MACROD2: variants seen among roughly 807,000 people sequenced by gnomAD.
MACROD2 encodes ADP-ribose glycohydrolase MACROD2.
Under a neutral mutation model 70.4 loss-of-function variants are expected in MACROD2, and 36 were observed. The ratio of observed to expected loss-of-function variants is 0.51; its 90% CI spans 0.39 to 0.68. The LOEUF (loss-of-function observed/expected upper bound fraction) is 0.68. Among genes scored for constraint, MACROD2 ranks in the 30% least tolerant of loss-of-function variants. MACROD2 has a pLI of 0.00. For missense variants in MACROD2, 496 were observed against 538.4 expected (o/e 0.92, Z 0.78); for synonymous variants, 172 against 178.8 (o/e 0.96, Z 0.30).
intron 15 of MACROD2, among the ~76,000 whole-genome samples, chr20:16,040,210 T>A (rs2067290005): frequency 6.6e-6 from 1 of 151,950 alleles, no homozygotes; most frequent in Non-Finnish European, 1.5e-5. Flanking sequence ...ATTGTCAACC[T>A]CAATACACCA....
At chr20:15,499,901 A>C in intron 8 of MACROD2, 54 bp downstream of exon 8, 1 of 1,557,262 alleles carries the variant, frequency 6.4e-7, no homozygotes, top group Non-Finnish European at 8.9e-7. Context: ...TTTGATGCTC[A>C]GTTCCCCCCA....
chr20:14,786,175 T>C (rs1735470873), intron 5 of MACROD2, among the ~76,000 whole-genome samples: 1 of 148,114 alleles, frequency 6.8e-6, no homozygotes, highest in African/African-American at 2.5e-5. Context: ...GTTCTCTTGT[T>C]GATAGTGTTT....
chr20:14,302,154 T>A (rs1264832104), intron 3 of MACROD2, among the ~76,000 whole-genome samples: 1 of 152,190 alleles, frequency 6.6e-6, no homozygotes, highest in African/African-American at 2.4e-5. Context: ...GACTGAAATC[T>A]AGATATCATC....
chr20:15,120,261 AGTGTGTGT>A (rs34652299), intron 5 of MACROD2, among the ~76,000 whole-genome samples: 1 of 116,178 alleles, frequency 8.6e-6, no homozygotes, highest in Non-Finnish European at 1.6e-5. Flanking sequence ...TTTAAGGGGG[AGTGTGTGT>A]GTGTGTGTGT....
chr20:14,804,519 C>G (rs2072615514), intron 5 of MACROD2, among the ~76,000 whole-genome samples: 1 of 151,960 alleles, frequency 6.6e-6, no homozygotes, highest in South Asian at 2.1e-4. Context: ...TGTCCAACAA[C>G]ATAGGTCCAT....
intron 3 of MACROD2, among the ~76,000 whole-genome samples, chr20:14,275,404 G>A (rs1163695296): frequency 6.6e-6 from 1 of 151,852 alleles, no homozygotes; most frequent in Non-Finnish European, 1.5e-5. Context: ...TTAATAAATG[G>A]TGCTGGGAAA....
chr20:14,208,195 A>G (rs1167576185), intron 3 of MACROD2, among the ~76,000 whole-genome samples: 3 of 152,100 alleles, frequency 2.0e-5, no homozygotes, highest in Admixed American at 2.0e-4. Flanking sequence ...TAGTGATTAT[A>G]TTGTAGTTGT....
At chr20:15,805,214 G>C (rs1288272766) in intron 8 of MACROD2, among the ~76,000 whole-genome samples, 1 of 152,140 alleles carries the variant, frequency 6.6e-6, no homozygotes, top group African/African-American at 2.4e-5. Context: ...GCAGATGTTG[G>C]GATCTGAGAA....
At chr20:14,978,833 G>A (rs1382428152) in intron 5 of MACROD2, among the ~76,000 whole-genome samples, 1 of 145,860 alleles carries the variant, frequency 6.9e-6, no homozygotes, top group Non-Finnish European at 1.5e-5. Flanking sequence ...GTCCCTGTTT[G>A]CAAAGGAGGG....
intron 5 of MACROD2, among the ~76,000 whole-genome samples, chr20:15,175,651 A>G (rs1267763877): frequency 6.6e-6 from 1 of 152,194 alleles, no homozygotes; most frequent in Non-Finnish European, 1.5e-5. Flanking sequence ...GGGATGAAAT[A>G]GAAATTTCAG....
At chr20:14,392,317 C>A (rs1010674734) in intron 3 of MACROD2, among the ~76,000 whole-genome samples, 2 of 151,624 alleles carry the variant, frequency 1.3e-5, no homozygotes, top group African/African-American at 4.8e-5. Context: ...TCCTTCGTTC[C>A]TTTTATTCAC....
chr20:14,838,472 T>C (rs1410862623), intron 5 of MACROD2, among the ~76,000 whole-genome samples: 1 of 152,124 alleles, frequency 6.6e-6, no homozygotes, highest in Non-Finnish European at 1.5e-5. Context: ...TCATTATTAA[T>C]GTTCTGCAGC....
At chr20:15,679,399 A>G (rs1448806965) in intron 8 of MACROD2, among the ~76,000 whole-genome samples, 1 of 152,140 alleles carries the variant, frequency 6.6e-6, no homozygotes, top group Non-Finnish European at 1.5e-5. Flanking sequence ...AGGACACTCA[A>G]GGACCCCAAC....
chr20:15,412,285 TA>T (rs982156072), intron 6 of MACROD2, among the ~76,000 whole-genome samples: 2 of 151,638 alleles, frequency 1.3e-5, no homozygotes, highest in South Asian at 2.1e-4. Context: ...TATGCATTAT[TA>T]AAAAAAAGAA....
At position 15,779,915 on chromosome 20, in the gene MACROD2, GC is replaced by G. The variant is rs372742320; in HGVS notation, c.646-82828del. Among the ~76,000 whole-genome samples the G allele has an allele frequency of 2.9e-3, 439 of 152,174 alleles. 4 individuals carry two copies. The highest frequency in any genetic ancestry group is 0.01 in the African/African-American group (418 of 41,542). Reference sequence around the variant, plus strand: ...GTTTTGTATTGCTATGTTCTGCTGTGCCATTCTTGTATGAAAAACAGGAAAA... The same window carrying G: ...GTTTTGTATTGCTATGTTCTGCTGTGCATTCTTGTATGAAAAACAGGAAAA... On this transcript the variant is annotated intron_variant, in intron 8 of 17. Transcript: ENST00000684519.
intron 3 of MACROD2, among the ~76,000 whole-genome samples, chr20:14,453,414 T>G (rs1246382021): frequency 6.6e-6 from 1 of 152,142 alleles, no homozygotes; most frequent in East Asian, 1.9e-4. Flanking sequence ...TTTTTCCTGC[T>G]TACCTTGCAT....
intron 8 of MACROD2, among the ~76,000 whole-genome samples, chr20:15,616,096 TTC>T: frequency 6.8e-6 from 1 of 147,382 alleles, no homozygotes; most frequent in South Asian, 2.1e-4. Flanking sequence ...CAGTTCCCCA[TTC>T]TTTTTTTTTT....
intron 8 of MACROD2, among the ~76,000 whole-genome samples, chr20:15,858,240 T>C (rs1169196409): frequency 6.6e-6 from 1 of 151,938 alleles, no homozygotes; most frequent in Non-Finnish European, 1.5e-5. Flanking sequence ...GAATACAATC[T>C]CTCAAGAACC....
intron 10 of MACROD2, among the ~76,000 whole-genome samples, chr20:15,923,207 C>G (rs2065437606): frequency 6.6e-6 from 1 of 151,924 alleles, no homozygotes; most frequent in African/African-American, 2.4e-5. Flanking sequence ...AAACTGGGAA[C>G]AAAAAAAGGT....
Sources: allele counts gnomAD v4.1 joint callset (sites outside exome capture counted in the v4.1 genomes callset), GRCh38; gene constraint gnomAD v4.1.1; transcripts MANE v1.5; gene names NCBI Gene and HGNC (gene_info 2026-07-23, HGNC 2026-07-21).